The following MED13L variants were observed in gnomAD, a reference collection of about 807,000 sequenced individuals.
The protein encoded by MED13L is mediator complex subunit 13L, also known as mediator of RNA polymerase II transcription subunit 13-like.
In MED13L, 7 loss-of-function variants were observed where a neutral mutation model predicts 220.9. That is an observed-to-expected ratio of 0.03 (90% CI 0.02 to 0.06). MED13L has a LOEUF of 0.06. Ranked by LOEUF, MED13L falls within the 10% of genes least tolerant of loss-of-function variation. The pLI, the probability that MED13L is intolerant of heterozygous loss-of-function variation, is 1.00. For missense variants in MED13L, 1,965 were observed against 2,760.5 expected (o/e 0.71, Z 6.46); for synonymous variants, 1,011 against 1,015.2 (o/e 1.00, Z 0.08).
intron 2 of MED13L, among the ~76,000 whole-genome samples, chr12:116,194,223 T>C (rs1159271311): frequency 6.6e-6 from 1 of 152,160 alleles, no homozygotes; most frequent in Non-Finnish European, 1.5e-5. Context: ...TGGAGTGCAA[T>C]GGTGCAACCT....
intron 2 of MED13L, among the ~76,000 whole-genome samples, chr12:116,122,100 T>C (rs986896804): frequency 6.7e-6 from 1 of 148,644 alleles, no homozygotes; most frequent in African/African-American, 2.5e-5. Flanking sequence ...TCGTAGTGTT[T>C]AAAAAAAAAA....
At chr12:116,185,510 A>G (rs2138241756) in intron 2 of MED13L, among the ~76,000 whole-genome samples, 1 of 152,302 alleles carries the variant, frequency 6.6e-6, no homozygotes. Flanking sequence ...GCTGACCATG[A>G]CATTAACAAC....
At chr12:116,014,815 C>T (rs1352161012) in intron 8 of MED13L, among the ~76,000 whole-genome samples, 1 of 152,140 alleles carries the variant, frequency 6.6e-6, no homozygotes, top group Non-Finnish European at 1.5e-5. Context: ...TGTCCTGATA[C>T]CCATGGTGAA....
chr12:115,970,844 G>T, intron 26 of MED13L, 74 bp from the exon 27 acceptor site: 1 of 1,375,090 alleles, frequency 7.3e-7, no homozygotes. Context: ...GGCCTGATCT[G>T]GAGTGGTATG....
At chr12:116,148,644 T>C (rs1175200650) in intron 2 of MED13L, 2 of 182,378 alleles carry the variant, frequency 1.1e-5, no homozygotes, top group African/African-American at 4.9e-5. Context: ...GAGCTAGATA[T>C]AGATATATAT....
chr12:115,998,266 C>A (rs1259777376), intron 14 of MED13L, among the ~76,000 whole-genome samples: 1 of 152,192 alleles, frequency 6.6e-6, no homozygotes, highest in Non-Finnish European at 1.5e-5. Flanking sequence ...GCCTATGCAG[C>A]AAATTTTTTA....
intron 4 of MED13L, among the ~76,000 whole-genome samples, chr12:116,067,388 C>T (rs1015955886): frequency 6.6e-6 from 1 of 152,044 alleles, no homozygotes; most frequent in Non-Finnish European, 1.5e-5. Context: ...AACAAGAGAC[C>T]TAGAGACTCT....
At chr12:115,986,914 G>A (rs1024913239) in intron 18 of MED13L, among the ~76,000 whole-genome samples, 195 bp downstream of exon 18, 1 of 152,072 alleles carries the variant, frequency 6.6e-6, no homozygotes, top group Admixed American at 6.6e-5. Context: ...TCACTGACCT[G>A]GATTATGCCA....
intron 4 of MED13L, among the ~76,000 whole-genome samples, chr12:116,066,962 A>G (rs1159143327): frequency 2.6e-5 from 4 of 152,202 alleles, no homozygotes. Flanking sequence ...TAAGAAATGT[A>G]CAACCAACCA....
At chr12:116,128,936 T>C (rs1350982652) in intron 2 of MED13L, among the ~76,000 whole-genome samples, 1 of 151,990 alleles carries the variant, frequency 6.6e-6, no homozygotes, top group African/African-American at 2.4e-5. Flanking sequence ...CCTTGAAGAA[T>C]GAGGGGGAAC....
intron 1 of MED13L, among the ~76,000 whole-genome samples, chr12:116,268,932 A>G (rs80180525): frequency 0.02 from 3,055 of 152,306 alleles, 56 homozygotes; most frequent in Non-Finnish European, 0.032. Flanking sequence ...ATCTTCTCCT[A>G]TCAATTTTTT....
chr12:116,232,603 A>C (rs1461321689), intron 2 of MED13L, among the ~76,000 whole-genome samples: 3 of 152,252 alleles, frequency 2.0e-5, no homozygotes, highest in East Asian at 3.8e-4. Flanking sequence ...CTGATTCGAC[A>C]AACATTCTTA....
At chr12:115,985,784 C>A (rs1039618374) in intron 19 of MED13L, among the ~76,000 whole-genome samples, 2 of 152,112 alleles carry the variant, frequency 1.3e-5, no homozygotes, top group African/African-American at 4.8e-5. Context: ...TGTTAAAACA[C>A]AACAGGGACA....
chr12:115,996,109 G>T (rs1878384677), intron 16 of MED13L, among the ~76,000 whole-genome samples: 1 of 150,188 alleles, frequency 6.7e-6, no homozygotes, highest in South Asian at 2.1e-4. Flanking sequence ...TTTTCTTTCT[G>T]AGACAGAGTC....
At chr12:116,268,968 T>G (rs1873045402) in intron 1 of MED13L, among the ~76,000 whole-genome samples, 1 of 152,248 alleles carries the variant, frequency 6.6e-6, no homozygotes, top group Non-Finnish European at 1.5e-5. Context: ...TATTTTAAGT[T>G]CTGGGGTACA....
intron 1 of MED13L, among the ~76,000 whole-genome samples, chr12:116,253,002 C>T (rs1565950968): frequency 1.3e-5 from 2 of 152,128 alleles, no homozygotes; most frequent in Admixed American, 6.5e-5. Context: ...TGGCTCACGC[C>T]TATAATCCTA....
chr12:116,242,989 T>G (rs1870787920), intron 1 of MED13L, among the ~76,000 whole-genome samples: 1 of 152,146 alleles, frequency 6.6e-6, no homozygotes, highest in African/African-American at 2.4e-5. Context: ...TTTAAGAAAG[T>G]TCATAAATCT....
intron 1 of MED13L, among the ~76,000 whole-genome samples, chr12:116,241,744 TA>T (rs1323821956): frequency 1.3e-5 from 2 of 152,286 alleles, no homozygotes; most frequent in Non-Finnish European, 2.9e-5. Context: ...CTAATTCAGG[TA>T]AAACAGCTCC....
At chr12:115,993,057 A>G (rs1462973739) in intron 16 of MED13L, among the ~76,000 whole-genome samples, 1 of 152,256 alleles carries the variant, frequency 6.6e-6, no homozygotes, top group Non-Finnish European at 1.5e-5. Context: ...CAACATTTAT[A>G]TAGCATTTAC....
Sources: gnomAD v4.1 joint callset for allele counts (sites outside exome capture counted in the v4.1 genomes callset) on GRCh38, gnomAD v4.1.1 for gene constraint, MANE v1.5 for transcripts, NCBI Gene and HGNC (gene_info 2026-07-23, HGNC 2026-07-21) for gene names.